Variants in DOCK2 observed in about 807,000 individuals in gnomAD.
The protein encoded by DOCK2 is dedicator of cytokinesis protein 2.
DOCK2 carries 87 observed loss-of-function variants against 248.9 expected under a neutral mutation model. The ratio of observed to expected loss-of-function variants is 0.35; its 90% CI spans 0.29 to 0.42. The LOEUF (loss-of-function observed/expected upper bound fraction) is 0.42, where lower values mean the gene tolerates loss of function less well. Ranked by LOEUF, DOCK2 falls within the 10% of genes least tolerant of loss-of-function variation. The pLI, the probability that DOCK2 is intolerant of heterozygous loss-of-function variation, is 1.00. For missense variants in DOCK2, 1,747 were observed against 2,300.2 expected, an observed-to-expected ratio of 0.76 and a Z score of 4.92; for synonymous variants, 805 against 821.6, an observed-to-expected ratio of 0.98 and a Z score of 0.35.
intron 30 of DOCK2, among the ~76,000 whole-genome samples, chr5:169,997,377 G>A (rs1315184998): frequency 6.8e-6 from 1 of 147,580 alleles, no homozygotes; most frequent in African/African-American, 2.6e-5. Flanking sequence ...TCAACTGCAA[G>A]AGACATTCCT....
At chr5:169,752,020 G>T (rs1338779955) in intron 23 of DOCK2, among the ~76,000 whole-genome samples, 1 of 152,154 alleles carries the variant, frequency 6.6e-6, no homozygotes, top group African/African-American at 2.4e-5. Flanking sequence ...GTAAGGTTTA[G>T]GCCAGGGATT....
chr5:169,769,548 A>G (rs1413511998), intron 25 of DOCK2, among the ~76,000 whole-genome samples: 2 of 152,222 alleles, frequency 1.3e-5, no homozygotes, highest in Non-Finnish European at 2.9e-5. Flanking sequence ...TGATTCCCAA[A>G]GGGGGCAAAA....
rs1266646013 is a variant in DOCK2, at chr5:169,714,122, G to T, written c.1754G>T (p.Ser585Ile). The T allele has an allele frequency of 7.4e-6, 12 of 1,613,772 alleles. No individual in the cohort carries two copies. Among genetic ancestry groups the T allele is most frequent in the Non-Finnish European group, 9.3e-6 (11 of 1,179,874 alleles). ...AACAAGGGGGCCACGCTGAGCAGGA[G>T]CTCCAGCAGTGTTGGGGGGCTTTCT... The part of the protein sequence containing the change: ...VENKGATLSR[S>I]SSSVGGLSVS... Residue 585 changes from serine (S) to isoleucine (I), a missense_variant, in exon 18 of 52, where the codon AGC becomes ATC. Ser to Ile is a moderately radical substitution (Grantham distance 142). Around this residue, in one of 4 missense-constraint regions of DOCK2, gnomAD observed 858 missense variants for 1,183.5 expected, o/e 0.72. Transcript: ENST00000520908.
intron 27 of DOCK2, chr5:169,883,658 G>T (rs1173475139): frequency 6.4e-7 from 1 of 1,551,128 alleles, no homozygotes; most frequent in Non-Finnish European, 8.7e-7. Flanking sequence ...GGGAAGGAGA[G>T]CGAGTAGGTG....
intron 27 of DOCK2, among the ~76,000 whole-genome samples, chr5:169,905,498 C>G (rs779912176): frequency 7.2e-5 from 11 of 152,156 alleles, no homozygotes; most frequent in Non-Finnish European, 1.3e-4. Context: ...TCGAGGCTGC[C>G]AGGCAGAGTA....
At chr5:169,849,092 G>A (rs1045225678) in intron 27 of DOCK2, among the ~76,000 whole-genome samples, 1 of 152,174 alleles carries the variant, frequency 6.6e-6, no homozygotes, top group Non-Finnish European at 1.5e-5. Context: ...ATACGAGGAG[G>A]TGTGGTTCTC....
intron 22 of DOCK2, among the ~76,000 whole-genome samples, chr5:169,741,895 T>C (rs971716460): frequency 2.0e-5 from 3 of 148,272 alleles, no homozygotes; most frequent in Non-Finnish European, 3.0e-5. Context: ...CCGCAAGCTC[T>C]GCCTCCCGGG....
rs948731644 is a variant in DOCK2 at position 169,939,195 on chromosome 5, T to C, written c.2800-43873T>C. Among the ~76,000 whole-genome samples the C allele has an allele frequency of 6.1e-5, 9 of 148,156 alleles. No individual in the cohort carries two copies. The East Asian group carries it at 8.0e-4, about 13-fold the overall frequency. On this transcript the variant is annotated intron_variant, in intron 27 of 51. Coordinates refer to ENST00000520908, the MANE Select transcript of DOCK2 (RefSeq NM_004946.3). ...CTGGGATTACAGGCGTGAGCCACTG[T>C]GCCCGGCCTTTTTTTTTTTTTTAAA... is the stretch of plus-strand genomic sequence containing the variant.
At chr5:169,874,157 A>C (rs1172463331) in intron 27 of DOCK2, among the ~76,000 whole-genome samples, 1 of 152,182 alleles carries the variant, frequency 6.6e-6, no homozygotes, top group East Asian at 1.9e-4. Context: ...TCATGCCTGT[A>C]ATCCCAACAC....
chr5:169,656,701 T>C (rs76587439), intron 2 of DOCK2, among the ~76,000 whole-genome samples: 3,099 of 152,358 alleles, frequency 0.02, 280 homozygotes, highest in Admixed American at 0.16. Flanking sequence ...CATTATTTTC[T>C]GTGTCCTACA....
intron 26 of DOCK2, among the ~76,000 whole-genome samples, chr5:169,830,060 T>C (rs1003547466): frequency 2.0e-5 from 3 of 152,232 alleles, no homozygotes; most frequent in Non-Finnish European, 4.4e-5. Context: ...TTGGGTATTA[T>C]ACGTAATACA....
At position 169,687,115 on chromosome 5, in the gene DOCK2, T is replaced by C. The variant is rs184159911; in HGVS notation, c.762-2137T>C. On this transcript the variant is annotated intron_variant, in intron 8 of 51. Transcript: ENST00000520908. ...ATTGCTGGTGCTTGCTGTTTAGACG[T>C]AGCAAGCTGGGTCACTGAGGGGCTT... is the stretch of plus-strand genomic sequence containing the variant. Among the ~76,000 whole-genome samples the C allele has an allele frequency of 8.5e-5, 13 of 152,190 alleles. No individual in the cohort carries two copies. The East Asian group carries it at 2.1e-3, about 25-fold the overall frequency.
intron 25 of DOCK2, among the ~76,000 whole-genome samples, chr5:169,766,851 C>T (rs1449603690): frequency 1.3e-5 from 2 of 152,060 alleles, no homozygotes; most frequent in African/African-American, 2.4e-5. Context: ...CACTGAAACC[C>T]CCACCTCCTG....
intron 27 of DOCK2, among the ~76,000 whole-genome samples, chr5:169,915,139 T>C (rs1254177193): frequency 1.3e-5 from 2 of 152,052 alleles, no homozygotes; most frequent in Non-Finnish European, 2.9e-5. Context: ...TTAGCACAAG[T>C]GGATAAAACT....
chr5:169,768,281 T>C (rs941354890), intron 25 of DOCK2, among the ~76,000 whole-genome samples: 3 of 152,224 alleles, frequency 2.0e-5, no homozygotes, highest in Non-Finnish European at 4.4e-5. Context: ...ACATGCAATA[T>C]TTGATGAGCG....
intron 50 of DOCK2, 102 bp downstream of exon 50, chr5:170,080,385 G>A: frequency 6.5e-7 from 1 of 1,542,132 alleles, no homozygotes; most frequent in Non-Finnish European, 8.8e-7. Flanking sequence ...CAACAAAGTG[G>A]GCCAGGCATC....
chr5:169,774,916 T>TGTTGTA lies in DOCK2; in HGVS notation c.2554+13294_2554+13295insGTAGTT, dbSNP rs1032453499. On this transcript the variant is annotated intron_variant, in intron 25 of 51. Coordinates refer to ENST00000520908, the MANE Select transcript of DOCK2 (RefSeq NM_004946.3). ...TTTTTGTTGTTGTTGTTGTTGTTGT[T>TGTTGTA]GTTTTCTTTTGAGACAGAGTCTCAT... is the stretch of plus-strand genomic sequence containing the variant. Among the ~76,000 whole-genome samples the TGTTGTA allele has an allele frequency of 8.5e-5, 13 of 152,114 alleles. 1 individual carries two copies. The highest frequency in any genetic ancestry group is 3.1e-4 in the African/African-American group (13 of 41,480).
At chr5:169,751,657 T>A (rs915281395) in intron 23 of DOCK2, among the ~76,000 whole-genome samples, 3 of 152,238 alleles carry the variant, frequency 2.0e-5, no homozygotes, top group African/African-American at 7.2e-5. Context: ...TCTCTAATGC[T>A]CACCCAGCTT....
chr5:169,981,593 T>A (rs1305410175), intron 27 of DOCK2, among the ~76,000 whole-genome samples: 1 of 152,204 alleles, frequency 6.6e-6, no homozygotes, highest in Non-Finnish European at 1.5e-5. Context: ...TAGCACACTA[T>A]AAACAAACTT....
Sources: gnomAD v4.1 joint callset for allele counts (sites outside exome capture counted in the v4.1 genomes callset) on GRCh38, gnomAD v4.1.1 for gene constraint, gnomAD v4.1.1 regional missense constraint, MANE v1.5 for transcripts, NCBI Gene and HGNC (gene_info 2026-07-23, HGNC 2026-07-21) for gene names.